HDLBP: variants seen among roughly 807,000 people sequenced by gnomAD.
HDLBP encodes the protein high density lipoprotein binding protein, also known as vigilin.
Under a neutral mutation model 137.3 loss-of-function variants are expected in HDLBP, and 30 were observed. The ratio of observed to expected loss-of-function variants is 0.22; its 90% CI spans 0.16 to 0.30. HDLBP has a LOEUF of 0.30. HDLBP is among the 10% of genes least tolerant of loss of function. The pLI, the probability that HDLBP is intolerant of heterozygous loss-of-function variation, is 1.00. For synonymous variants in HDLBP, 606 were observed against 596.0 expected, an observed-to-expected ratio of 1.02 and a Z score of -0.24; for missense variants, 1,119 against 1,667.3, an observed-to-expected ratio of 0.67 and a Z score of 5.73.
intron 1 of HDLBP, among the ~76,000 whole-genome samples, chr2:241,300,183 C>T (rs942834714): frequency 4.6e-5 from 7 of 152,120 alleles, no homozygotes; most frequent in Non-Finnish European, 1.0e-4. Flanking sequence ...CAAACAACTT[C>T]GAGGTCCACA....
rs2072600743 is a variant in HDLBP, at chr2:241,256,208, G to T, written c.849C>A (p.Arg283=). The T allele has an allele frequency of 6.2e-7, 1 of 1,614,058 alleles. No individual in the cohort carries two copies. Among genetic ancestry groups the T allele is most frequent in the Non-Finnish European group, 8.5e-7 (1 of 1,179,986 alleles). ...EKEQLAQAVA[R]IKKIYEEKKK... ...CCTTCTCCTCATAAATCTTCTTGAT[G>T]CGAGCCACAGCCTGAGCCAACTGTT... Residue 283 remains arginine, a synonymous_variant, in exon 7 of 28, where the codon CGC becomes CGA. Coordinates refer to ENST00000310931, the MANE Select transcript of HDLBP (RefSeq NM_005336.6).
chr2:241,251,987 A>G (rs2072236154), intron 11 of HDLBP, among the ~76,000 whole-genome samples: 1 of 151,768 alleles, frequency 6.6e-6, no homozygotes, highest in African/African-American at 2.4e-5. Context: ...AAAAACAAAC[A>G]AACAACACAA....
In HDLBP at chr2:241,242,556, G is replaced by T; in HGVS notation, c.2073C>A (p.Pro691=). ...CGGTGTCGCTTCCTGAACCTTCCACGGGAAAGTGAATGTGGACCCCGCCGC... is the reference window on the plus strand; with the variant it reads ...CGGTGTCGCTTCCTGAACCTTCCACTGGAAAGTGAATGTGGACCCCGCCGC... The part of the protein sequence containing the change: ...EECGGVHIHF[P]VEGSGSDTVV... The change falls in exon 17 of 28, where the codon CCC becomes CCA. Residue 691 remains proline (P), a synonymous_variant. Coordinates refer to ENST00000310931, the MANE Select transcript of HDLBP (RefSeq NM_005336.6). 6.2e-7 allele frequency: 1 copy of T among 1,614,196 alleles called. No homozygotes were observed.
chr2:241,258,172 G>A (rs2072854396), intron 5 of HDLBP, among the ~76,000 whole-genome samples: 2 of 151,110 alleles, frequency 1.3e-5, no homozygotes, highest in South Asian at 2.1e-4. Context: ...GCCGAGGTGG[G>A]TGGATCACGA....
intron 1 of HDLBP, among the ~76,000 whole-genome samples, chr2:241,294,195 T>C (rs557067574): frequency 2.4e-4 from 36 of 152,304 alleles, no homozygotes; most frequent in African/African-American, 8.2e-4. Context: ...TTGTAACTCA[T>C]TGGCATTAAT....
At position 241,230,152 on chromosome 2, in the gene HDLBP, C is replaced by A. The variant is rs1328108577; in HGVS notation, c.3591+1G>T. 1 of 1,610,120 alleles carries A rather than the reference C, an allele frequency of 6.2e-7. No individual in the cohort carries two copies. Among genetic ancestry groups the A allele is most frequent in the Non-Finnish European group, 8.5e-7 (1 of 1,176,606 alleles). On this transcript the variant is annotated splice_donor_variant, in intron 26 of 27. Transcript: ENST00000310931. LOFTEE classifies it high-confidence loss of function. The surrounding 1 kb of genome is among the most constrained non-coding windows in gnomAD (Gnocchi z 5.0). ...GGGCTCCAAGGCCCACAGAGACTCA[C>A]GTATTCCTCCTCCAGATTGAGGATG...
intron 5 of HDLBP, among the ~76,000 whole-genome samples, chr2:241,260,469 G>A (rs573518344): frequency 5.3e-5 from 8 of 151,936 alleles, no homozygotes; most frequent in South Asian, 2.1e-4. Context: ...CACTGAAGTC[G>A]CCGGAGCGCC....
chr2:241,273,472 A>T, intron 1 of HDLBP: 6 of 539,600 alleles, frequency 1.1e-5, no homozygotes, highest in Non-Finnish European at 1.4e-5. Context: ...GTGGATACGC[A>T]GGACTGGGCG....
In HDLBP at chr2:241,249,835, A is replaced by C; in HGVS notation, c.1512+6T>G. The stretch of plus-strand genomic sequence containing the variant: ...CCTTTCTAGAGGGCCCAGCCATGGC[A>C]CTTACCATGCGAGATGCAAGCTCCA... On this transcript the variant is annotated splice_donor_region_variant and intron_variant, in intron 12 of 27. Coordinates refer to ENST00000310931, the MANE Select transcript of HDLBP (RefSeq NM_005336.6). The C allele has an allele frequency of 6.2e-7, 1 of 1,600,114 alleles. No homozygotes were observed.
chr2:241,242,590 A>G lies in HDLBP; in HGVS notation c.2039T>C (p.Met680Thr), dbSNP rs1262826847. Residue 680 changes from methionine to threonine, a missense_variant, in exon 17 of 28, where the codon ATG (methionine) becomes ACG (threonine). Physicochemically the swap from Met to Thr is moderately conservative, Grantham distance 81. Coordinates refer to ENST00000310931, the MANE Select transcript of HDLBP (RefSeq NM_005336.6). ...AATGTGGACCCCGCCGCACTCCTCC[A>G]TGATGGAGCGGATCAGACGGCCCTT... ...GTKGRLIRSI[M>T]EECGGVHIHF... 2.5e-6 allele frequency: 4 copies of G among 1,614,118 alleles called. No individual in the cohort carries two copies. Among genetic ancestry groups the G allele is most frequent in the Admixed American group, 1.7e-5 (1 of 60,008 alleles).
intron 11 of HDLBP, among the ~76,000 whole-genome samples, chr2:241,251,209 T>C (rs1460171584): frequency 1.8e-4 from 27 of 152,174 alleles, no homozygotes; most frequent in Admixed American, 1.7e-3. Context: ...TCCTCCTGCC[T>C]TGGTCTCCCA....
intron 1 of HDLBP, among the ~76,000 whole-genome samples, chr2:241,314,561 C>T (rs2075928960): frequency 6.6e-6 from 1 of 152,182 alleles, no homozygotes; most frequent in South Asian, 2.1e-4. Context: ...AAGATTACGA[C>T]TCATCCACAT....
intron 17 of HDLBP, among the ~76,000 whole-genome samples, chr2:241,241,824 TA>T (rs112929001): frequency 2.0e-5 from 3 of 151,750 alleles, no homozygotes; most frequent in Non-Finnish European, 4.4e-5. Context: ...ATCACAGACC[TA>T]AAAAAAATGG....
intron 1 of HDLBP, among the ~76,000 whole-genome samples, chr2:241,289,489 G>A (rs1045317483): frequency 6.6e-6 from 1 of 152,160 alleles, no homozygotes; most frequent in Non-Finnish European, 1.5e-5. Flanking sequence ...GTTCCTCTAT[G>A]CAAAGTTAGA....
At chr2:241,256,456 G>A in intron 6 of HDLBP, 57 bp from the exon 7 acceptor site, 1 of 1,529,812 alleles carries the variant, frequency 6.5e-7, no homozygotes, top group African/African-American at 1.4e-5. Context: ...ACTGGGGACA[G>A]ACAGGGCTTT....
chr2:241,293,183 G>A (rs1234151527), intron 1 of HDLBP, among the ~76,000 whole-genome samples: 1 of 41,242 alleles, frequency 2.4e-5, no homozygotes, highest in African/African-American at 2.4e-4. Context: ...AAAGTAGAAG[G>A]AACAAAAAGA....
rs757781048 is a variant in HDLBP at position 241,230,834 on chromosome 2, C to T, written c.3399G>A (p.Pro1133=). 37 of 1,614,080 alleles carry T rather than the reference C, an allele frequency of 2.3e-5. No homozygotes were observed. Among genetic ancestry groups the T allele is most frequent in the African/African-American group, 1.2e-4 (9 of 74,928 alleles). The change falls in exon 25 of 28, where the codon CCG becomes CCA. Residue 1133 remains proline (P), a synonymous_variant. Transcript: ENST00000310931. This position sits in a 1 kb window ranked among gnomAD's most constrained non-coding sequence, Gnocchi z 5.0. ...TGCGGGCGTGAACGCGGTGGTCCAGCGGGACGTCCTCAGAAACCATCTGCT... is the reference window on the plus strand; with the variant it reads ...TGCGGGCGTGAACGCGGTGGTCCAGTGGGACGTCCTCAGAAACCATCTGCT... ...ELEQMVSEDV[P]LDHRVHARII... is the part of the protein sequence containing the mutation.
chr2:241,297,356 G>A (rs1320531252), intron 1 of HDLBP, among the ~76,000 whole-genome samples: 1 of 152,162 alleles, frequency 6.6e-6, no homozygotes, highest in Non-Finnish European at 1.5e-5. Context: ...ATCTAAGATT[G>A]TCACTGTTGG....
intron 1 of HDLBP, among the ~76,000 whole-genome samples, chr2:241,300,614 T>C (rs1019944966): frequency 5.3e-5 from 8 of 152,208 alleles, no homozygotes; most frequent in Non-Finnish European, 8.8e-5. Context: ...AATAAAGCCA[T>C]ATGACCAACT....
Sources: gnomAD v4.1 joint callset for allele counts (sites outside exome capture counted in the v4.1 genomes callset) on GRCh38, gnomAD v4.1.1 for gene constraint, Gnocchi (gnomAD v3.1) non-coding constraint, MANE v1.5 for transcripts, NCBI Gene and HGNC (gene_info 2026-07-23, HGNC 2026-07-21) for gene names.